Variants in SERPINA3 observed in about 807,000 individuals in gnomAD.
The protein encoded by SERPINA3 is alpha-1-antichymotrypsin.
In SERPINA3, 32 loss-of-function variants were observed where a neutral mutation model predicts 26.8. The ratio of observed to expected loss-of-function variants is 1.20; its 90% CI spans 0.90 to 1.61. The LOEUF is 1.61. Among genes scored for constraint, SERPINA3 ranks in the 40% most tolerant of loss-of-function variants. The pLI is 0.00. For synonymous variants in SERPINA3, 252 were observed against 206.4 expected, an observed-to-expected ratio of 1.22 and a Z score of -1.89; for missense variants, 632 against 517.9, an observed-to-expected ratio of 1.22 and a Z score of -2.14.
chr14:94,615,287 A>G (rs1045038941), intron 2 of SERPINA3, among the ~76,000 whole-genome samples: 1 of 152,256 alleles, frequency 6.6e-6, no homozygotes, highest in Admixed American at 6.5e-5. Context: ...TCCTTGGAAG[A>G]CATAATTCAG....
At chr14:94,615,633 A>G (rs1030061850) in intron 2 of SERPINA3, 2 of 320,774 alleles carry the variant, frequency 6.2e-6, no homozygotes, top group African/African-American at 4.4e-5. Flanking sequence ...CTACTCTGCT[A>G]TCATCTTTAA....
intron 2 of SERPINA3, chr14:94,618,871 C>A: frequency 2.1e-6 from 1 of 473,152 alleles, no homozygotes; most frequent in Middle Eastern, 6.0e-4. Context: ...TCTCCTCAGG[C>A]ACCAGCCTCC....
rs755772572 is a variant in SERPINA3, at chr14:94,612,447, G to A, written c.-9G>A. The A allele has an allele frequency of 1.5e-6, 2 of 1,362,474 alleles. No individual in the cohort carries two copies. Among genetic ancestry groups the A allele is most frequent in the South Asian group, 1.1e-5 (1 of 87,440 alleles). 84.4% of individuals were successfully genotyped at this position (1,362,474 alleles called of 1,614,324 possible). ...CAGCTACATCCAGCTCCCTGAGGCA[G>A]GTAATCCATGATGTTTTACATCCTG... On this transcript the variant is annotated splice_region_variant and 5_prime_UTR_variant, in exon 1 of 5. Transcript: ENST00000393078.
chr14:94,612,469 C>A (rs7492561), intron 1 of SERPINA3, 22 bp downstream of exon 1: 2 of 1,336,594 alleles, frequency 1.5e-6, no homozygotes, highest in Non-Finnish European at 2.0e-6. Flanking sequence ...TGTTTTACAT[C>A]CTGGGAGCGG....
chr14:94,619,644 G>A, intron 3 of SERPINA3, 176 bp downstream of exon 3: 1 of 725,970 alleles, frequency 1.4e-6, no homozygotes, highest in South Asian at 1.7e-5. Flanking sequence ...TCTTCTTTAA[G>A]ACAATGACAT....
At chr14:94,616,585 G>A (rs769200089) in intron 2 of SERPINA3, among the ~76,000 whole-genome samples, 3 of 152,146 alleles carry the variant, frequency 2.0e-5, no homozygotes, top group African/African-American at 7.2e-5. Flanking sequence ...CTGGACCCAA[G>A]AGCATGCAAG....
At chr14:94,620,196 G>C (rs1352180988) in intron 3 of SERPINA3, among the ~76,000 whole-genome samples, 1 of 152,172 alleles carries the variant, frequency 6.6e-6, no homozygotes, top group Non-Finnish European at 1.5e-5. Context: ...GAGGGGTGGA[G>C]TCATGTTGGT....
intron 3 of SERPINA3, among the ~76,000 whole-genome samples, chr14:94,620,297 G>A (rs764270494): frequency 5.3e-5 from 8 of 152,202 alleles, no homozygotes; most frequent in Non-Finnish European, 7.3e-5. Context: ...GAAGAGTCAG[G>A]CCAGAGCAGC....
intron 2 of SERPINA3, chr14:94,618,352 C>A (rs774179879): frequency 6.6e-6 from 1 of 152,124 alleles, no homozygotes; most frequent in Non-Finnish European, 1.5e-5. Flanking sequence ...TTTGTGATAG[C>A]TAGAGGTACC....
chr14:94,622,756 T>C (rs79912424), intron 4 of SERPINA3: 191 of 516,086 alleles, frequency 3.7e-4, no homozygotes, highest in Non-Finnish European at 6.1e-4. Flanking sequence ...CACTATACCA[T>C]TTACTATCCA....
At position 94,622,509 on chromosome 14, in the gene SERPINA3, G is replaced by T; in HGVS notation, c.1068+18G>T. The T allele has an allele frequency of 6.2e-7, 1 of 1,613,680 alleles. No homozygotes were observed. The highest frequency in any genetic ancestry group is 1.1e-5 in the South Asian group (1 of 91,040). ...TCTCCCAGGTGAGTCTTTAGACTTGGGTCAATTCATCCTTTGTATCCGAAC... is the reference window on the plus strand; with the variant it reads ...TCTCCCAGGTGAGTCTTTAGACTTGTGTCAATTCATCCTTTGTATCCGAAC... On this transcript the variant is annotated intron_variant, in intron 4 of 4. Coordinates refer to ENST00000393078, the MANE Select transcript of SERPINA3 (RefSeq NM_001085.5).
chr14:94,622,807 T>G, intron 4 of SERPINA3: 1 of 416,132 alleles, frequency 2.4e-6, no homozygotes, highest in East Asian at 5.3e-5. Flanking sequence ...CAGCTTTCCA[T>G]GTGTCAAATG....
chr14:94,619,020 G>T, intron 2 of SERPINA3, 175 bp from the exon 3 acceptor site: 1 of 706,784 alleles, frequency 1.4e-6, no homozygotes. Context: ...CCCAATCCAA[G>T]CCTGCTGGGC....
Position 94,623,682 on chromosome 14 carries a change from C to T in SERPINA3, c.1140C>T (p.Ile380=). The change falls in exon 5 of 5, where the codon ATC becomes ATT. Residue 380 remains isoleucine, a synonymous_variant. Transcript: ENST00000393078. ...CATCTGCTGCCACAGCAGTCAAAAT[C>T]ACCCTCCTTTCTGCATTAGTGGAGA... ...TEASAATAVK[I]TLLSALVETR... is the part of the protein sequence containing the mutation. 1 of 1,614,164 alleles carries T rather than the reference C, an allele frequency of 6.2e-7. No homozygotes were observed. Among genetic ancestry groups the T allele is most frequent in the Non-Finnish European group, 8.5e-7 (1 of 1,180,010 alleles).
chr14:94,614,521 G>C lies in SERPINA3; in HGVS notation c.80G>C (p.Ser27Thr). ...CCTGCTGTCCTCTGCCACCCTAACA[G>C]CCCACTTGACGAGGAGAATCTGACC... ...FCPAVLCHPN[S>T]PLDEENLTQE... The change falls in exon 2 of 5, where the codon AGC (serine) becomes ACC (threonine). Residue 27 changes from serine (S) to threonine (T), a missense_variant. Physicochemically the swap from Ser to Thr is moderately conservative, Grantham distance 58 (BLOSUM62 1). Coordinates refer to ENST00000393078, the MANE Select transcript of SERPINA3 (RefSeq NM_001085.5). The C allele has an allele frequency of 6.2e-7, 1 of 1,613,880 alleles. No individual in the cohort carries two copies. The highest frequency in any genetic ancestry group is 8.5e-7 in the Non-Finnish European group (1 of 1,179,844).
In SERPINA3 at chr14:94,622,325, T is replaced by TTTTCTCG; in HGVS notation, c.918-12_918-6dup. 2 of 1,613,970 alleles carry TTTTCTCG rather than the reference T, an allele frequency of 1.2e-6. No individual in the cohort carries two copies. The highest frequency in any genetic ancestry group is 1.7e-6 in the Non-Finnish European group (2 of 1,179,962). Reference sequence around the variant, plus strand: ...ATCAGCAGAGGTTCAGATACTTTTTTTTTCTCGTTTTCTAGAGAGATAGGT... The same window carrying TTTTCTCG: ...ATCAGCAGAGGTTCAGATACTTTTTTTTTCTCGTTTCTCGTTTTCTAGAGAGATAGGT... On this transcript the variant is annotated splice_polypyrimidine_tract_variant and intron_variant, in intron 3 of 4. Coordinates refer to ENST00000393078, the MANE Select transcript of SERPINA3 (RefSeq NM_001085.5).
rs543683318 is a variant in SERPINA3 at position 94,613,157 on chromosome 14, CTCCCCTCCTTCCCCTCCT to C, written c.-9+733_-9+750del. 5.6e-3 allele frequency among the ~76,000 whole-genome samples: 849 copies of C among 150,750 alleles called. 7 individuals are homozygous for C. The highest frequency in any genetic ancestry group is 0.02 in the African/African-American group (819 of 40,828). On this transcript the variant is annotated intron_variant, in intron 1 of 4. Transcript: ENST00000393078. The stretch of plus-strand genomic sequence containing the variant: ...CTTGGCCAAAGGCATTTCCACTGGC[CTCCCCTCCTTCCCCTCCT>C]TCCCCTCCTTCCCCTCCTTCCCTTC...
In SERPINA3 at chr14:94,614,435, G is replaced by A; in HGVS notation, c.-7G>A. ...ACTTAAAGGAGCTTTGCTTTTCAGA[G>A]TTGAGAATGGAGAGAATGTTACCTC... On this transcript the variant is annotated splice_region_variant and 5_prime_UTR_variant, in exon 2 of 5. Coordinates refer to ENST00000393078, the MANE Select transcript of SERPINA3 (RefSeq NM_001085.5). 1 of 1,613,240 alleles carries A rather than the reference G, an allele frequency of 6.2e-7. No homozygotes were observed. The highest frequency in any genetic ancestry group is 1.7e-5 in the Admixed American group (1 of 60,022).
chr14:94,615,943 T>G (rs1266827898), intron 2 of SERPINA3, among the ~76,000 whole-genome samples: 11 of 152,104 alleles, frequency 7.2e-5, no homozygotes, highest in Admixed American at 7.2e-4. Context: ...GGTGGAAAGG[T>G]GCTTAGGAGA....
Sources: allele counts gnomAD v4.1 joint callset (sites outside exome capture counted in the v4.1 genomes callset), GRCh38; gene constraint gnomAD v4.1.1; transcripts MANE v1.5; gene names NCBI Gene and HGNC (gene_info 2026-07-23, HGNC 2026-07-21).